Variants in CNTNAP2 observed in about 807,000 individuals in gnomAD.
CNTNAP2 encodes the protein contactin associated protein 2, also known as contactin-associated protein-like 2.
A neutral mutation model predicts 155.2 loss-of-function variants in CNTNAP2; 98 were observed. The observed-to-expected ratio is 0.63, with a 90% CI of 0.54 to 0.75. The LOEUF (loss-of-function observed/expected upper bound fraction) is 0.75. Ranked by LOEUF, CNTNAP2 falls within the 30% of genes least tolerant of loss-of-function variation. The pLI, the probability that CNTNAP2 is intolerant of heterozygous loss-of-function variation, is 0.00. For synonymous variants in CNTNAP2, 651 were observed against 631.2 expected, an observed-to-expected ratio of 1.03 and a Z score of -0.47; for missense variants, 1,727 against 1,688.1, an observed-to-expected ratio of 1.02 and a Z score of -0.40.
At chr7:148,387,322 A>G (rs1799234137) in intron 22 of CNTNAP2, among the ~76,000 whole-genome samples, 2 of 152,228 alleles carry the variant, frequency 1.3e-5, no homozygotes, top group South Asian at 4.1e-4. Flanking sequence ...CTTTTCTGGT[A>G]ATATTTCATG....
rs78804340 is a variant in CNTNAP2 at position 146,336,089 on chromosome 7, C to G, written c.97+219116C>G. On this transcript the variant is annotated intron_variant, in intron 1 of 23. Coordinates refer to ENST00000361727, the MANE Select transcript of CNTNAP2 (RefSeq NM_014141.6). ...TGGCACATGCCTGTAATCCCAGCTACTCGGGAGGATGAGGCAGGAGAATTC... is the reference window on the plus strand; with the variant it reads ...TGGCACATGCCTGTAATCCCAGCTAGTCGGGAGGATGAGGCAGGAGAATTC... Among the ~76,000 whole-genome samples the G allele has an allele frequency of 4.6e-5, 7 of 151,584 alleles. No homozygotes were observed. In the East Asian group the frequency reaches 1.4e-3, roughly 30 times the overall value.
Position 147,718,297 on chromosome 7 carries a change from G to T in CNTNAP2, c.2098+78991G>T, listed in dbSNP as rs894525819. On this transcript the variant is annotated intron_variant, in intron 13 of 23. Transcript: ENST00000361727. ...CCAGCTTTCATAGTCATTTGTATGAGCACGTACTACACAGGCAATTAATGT... is the reference window on the plus strand; with the variant it reads ...CCAGCTTTCATAGTCATTTGTATGATCACGTACTACACAGGCAATTAATGT... Among the ~76,000 whole-genome samples the T allele has an allele frequency of 9.2e-5, 14 of 152,106 alleles. 1 individual carries two copies. The South Asian group carries it at 2.3e-3, about 25-fold the overall frequency.
intron 21 of CNTNAP2, among the ~76,000 whole-genome samples, chr7:148,314,640 G>C (rs1037656142): frequency 7.2e-5 from 11 of 152,126 alleles, no homozygotes; most frequent in South Asian, 6.2e-4. Context: ...TGCCGCTGAG[G>C]GTGAAGGAGA....
At chr7:147,135,866 T>C (rs1801467536) in intron 8 of CNTNAP2, among the ~76,000 whole-genome samples, 1 of 151,678 alleles carries the variant, frequency 6.6e-6, no homozygotes, top group Admixed American at 6.6e-5. Context: ...CTGCATTCTT[T>C]TTCTTATTTG....
At chr7:147,238,409 AC>A (rs1803863560) in intron 8 of CNTNAP2, among the ~76,000 whole-genome samples, 1 of 152,016 alleles carries the variant, frequency 6.6e-6, no homozygotes. Context: ...GCAGACACAC[AC>A]ACACACACAC....
At chr7:146,757,763 A>C (rs1384344149) in intron 1 of CNTNAP2, among the ~76,000 whole-genome samples, 2 of 152,154 alleles carry the variant, frequency 1.3e-5, no homozygotes, top group Admixed American at 6.5e-5. Context: ...CTTCATTATT[A>C]TGGTCATGAA....
intron 3 of CNTNAP2, among the ~76,000 whole-genome samples, chr7:146,920,184 A>C (rs4612254): frequency 0.39 from 59,448 of 151,936 alleles, 12,170 homozygotes; most frequent in Middle Eastern, 0.45. Flanking sequence ...GAGGCCGAGG[A>C]GAGCAGATCA....
chr7:146,537,543 T>C (rs811910), intron 1 of CNTNAP2, among the ~76,000 whole-genome samples: 4,940 of 152,132 alleles, frequency 0.032, 282 homozygotes, highest in African/African-American at 0.11. Flanking sequence ...TCACGTCAGA[T>C]GGTGAACGCC....
intron 20 of CNTNAP2, among the ~76,000 whole-genome samples, chr7:148,256,285 C>A (rs918181735): frequency 1.7e-4 from 26 of 152,140 alleles, no homozygotes; most frequent in African/African-American, 6.0e-4. Context: ...ACAGATGATT[C>A]TGCTCAAAGC....
At chr7:147,407,695 T>C (rs937904731) in intron 10 of CNTNAP2, among the ~76,000 whole-genome samples, 1 of 152,136 alleles carries the variant, frequency 6.6e-6, no homozygotes, top group African/African-American at 2.4e-5. Flanking sequence ...CAAGAAATGT[T>C]AAAACTATGT....
intron 8 of CNTNAP2, among the ~76,000 whole-genome samples, chr7:147,140,645 G>A (rs548683167): frequency 7.5e-4 from 114 of 152,078 alleles, no homozygotes; most frequent in African/African-American, 2.5e-3. Context: ...TAGTGGATTG[G>A]GGAAAACTAC....
chr7:147,517,416 C>G (rs1449277416), intron 11 of CNTNAP2, among the ~76,000 whole-genome samples: 1 of 152,132 alleles, frequency 6.6e-6, no homozygotes, highest in Non-Finnish European at 1.5e-5. Context: ...ATGGGGTGAA[C>G]TTGGAAAGAA....
intron 1 of CNTNAP2, among the ~76,000 whole-genome samples, chr7:146,457,784 T>C (rs1315748500): frequency 1.3e-5 from 2 of 151,762 alleles, no homozygotes; most frequent in East Asian, 3.9e-4. Context: ...ATTACAGGTG[T>C]GAACAACTGC....
At chr7:148,385,747 T>TGTTTGTTTGTTTGTTTG (rs1799178727) in intron 22 of CNTNAP2, among the ~76,000 whole-genome samples, 2 of 103,580 alleles carry the variant, frequency 1.9e-5, no homozygotes, top group East Asian at 4.1e-4. Context: ...TTTTTTTTTT[T>TGTTTGTTTGTTTGTTTG]TTTTTTTTTT....
chr7:146,286,741 T>C (rs1185166932), intron 1 of CNTNAP2, among the ~76,000 whole-genome samples: 1 of 152,162 alleles, frequency 6.6e-6, no homozygotes, highest in Non-Finnish European at 1.5e-5. Flanking sequence ...TTCACCTCCC[T>C]GACTGTGGAA....
At chr7:146,227,797 G>A (rs1799321058) in intron 1 of CNTNAP2, among the ~76,000 whole-genome samples, 1 of 152,168 alleles carries the variant, frequency 6.6e-6, no homozygotes, top group South Asian at 2.1e-4. Context: ...TGTTATGCAT[G>A]GCTGTTGATG....
intron 1 of CNTNAP2, among the ~76,000 whole-genome samples, chr7:146,488,234 T>G: frequency 6.7e-6 from 1 of 148,700 alleles, no homozygotes; most frequent in Non-Finnish European, 1.5e-5. Context: ...CCCTTCAGGC[T>G]TTCTTTCTTT....
At chr7:148,097,118 T>C (rs926548740) in intron 15 of CNTNAP2, among the ~76,000 whole-genome samples, 3 of 152,090 alleles carry the variant, frequency 2.0e-5, no homozygotes, top group East Asian at 3.9e-4. Flanking sequence ...TCAGTTCATA[T>C]GGGAAAACCG....
intron 1 of CNTNAP2, among the ~76,000 whole-genome samples, chr7:146,483,326 T>TATATATACATAC (rs1554439604): frequency 1.3e-5 from 1 of 79,260 alleles, no homozygotes; most frequent in South Asian, 3.2e-4. Flanking sequence ...TATATATATA[T>TATATATACATAC]ATACATATAT....
Sources: gnomAD v4.1 joint callset for allele counts (sites outside exome capture counted in the v4.1 genomes callset) on GRCh38, gnomAD v4.1.1 for gene constraint, MANE v1.5 for transcripts, NCBI Gene and HGNC (gene_info 2026-07-23, HGNC 2026-07-21) for gene names.